KRI1: variants seen among roughly 807,000 people sequenced by gnomAD.
KRI1 encodes the protein protein KRI1 homolog.
In KRI1, 83 loss-of-function variants were observed where a neutral mutation model predicts 97.0. The observed-to-expected ratio is 0.86, with a 90% CI of 0.72 to 1.03. KRI1 has a LOEUF of 1.03. Ranked by LOEUF, KRI1 falls within the 50% of genes least tolerant of loss-of-function variation. KRI1 has a pLI of 0.00. For synonymous variants in KRI1, 371 were observed against 363.5 expected (o/e 1.02, Z -0.23); for missense variants, 916 against 928.4 (o/e 0.99, Z 0.17).
rs1014044804 is a variant in KRI1, at chr19:10,565,097, G to A, written c.169-63C>T. ...GGAGATAATAAGAGCCCTGGCGCCA[G>A]CAGGTGAGCTCAGCGTAGGGATTAG... On this transcript the variant is annotated intron_variant, in intron 2 of 18. Coordinates refer to ENST00000312962, the MANE Select transcript of KRI1 (RefSeq NM_023008.5). The A allele has an allele frequency of 7.3e-6, 8 of 1,092,018 alleles. No individual in the cohort carries two copies. The East Asian group carries it at 9.4e-5, about 13-fold the overall frequency. 67.6% of individuals were successfully genotyped at this position (1,092,018 alleles called of 1,614,324 possible).
rs1385364363 is a variant in KRI1 at position 10,559,340 on chromosome 19, G to A, written c.1194+19C>T. On this transcript the variant is annotated intron_variant, in intron 12 of 18. Coordinates refer to ENST00000312962, the MANE Select transcript of KRI1 (RefSeq NM_023008.5). ...TTGTGTGAACTCAGCGTCATGTTGGGCCGGGATGAGGGCCGCACCTGCATG... is the reference window on the plus strand; with the variant it reads ...TTGTGTGAACTCAGCGTCATGTTGGACCGGGATGAGGGCCGCACCTGCATG... 1 of 1,607,690 alleles carries A rather than the reference G, an allele frequency of 6.2e-7. No homozygotes were observed. The highest frequency in any genetic ancestry group is 1.1e-5 in the South Asian group (1 of 90,752).
rs369291740 is a variant in KRI1, at chr19:10,565,817, C to CCA, written c.95-28_95-27insTG. 5,643 of 1,552,770 alleles carry CCA rather than the reference C, an allele frequency of 3.6e-3. 25 individuals are homozygous for CCA. Among genetic ancestry groups the CCA allele is most frequent in the South Asian group, 7.4e-3 (625 of 84,726 alleles). ...TGCGGGACACAGACGGGATGCCCCC[C>CCA]CCCAGGTCAGCCGGCGGGGCCACTC... is the stretch of plus-strand genomic sequence containing the variant. On this transcript the variant is annotated intron_variant, in intron 1 of 18. Coordinates refer to ENST00000312962, the MANE Select transcript of KRI1 (RefSeq NM_023008.5).
chr19:10,563,179 C>T (rs1736222362), intron 3 of KRI1, among the ~76,000 whole-genome samples: 1 of 151,930 alleles, frequency 6.6e-6, no homozygotes, highest in African/African-American at 2.4e-5. Context: ...TCTCAGCCTC[C>T]CAAGCAGCTG....
Position 10,560,527 on chromosome 19 carries a change from C to T in KRI1, c.664-79G>A, listed in dbSNP as rs1017207943. 49 of 1,048,206 alleles carry T rather than the reference C, an allele frequency of 4.7e-5. 1 individual carries two copies. The highest frequency in any genetic ancestry group is 6.5e-5 in the Non-Finnish European group (46 of 707,702). The allele number at this position is 1,048,206 out of a possible 1,614,324, so 64.9% of individuals were successfully genotyped here. On this transcript the variant is annotated intron_variant, in intron 8 of 18. Coordinates refer to ENST00000312962, the MANE Select transcript of KRI1 (RefSeq NM_023008.5). ...AGGCATGCTCACCACATGGACCTCACAGCCAGCCTCTGGAGTAGGTGACAT... is the reference window on the plus strand; with the variant it reads ...AGGCATGCTCACCACATGGACCTCATAGCCAGCCTCTGGAGTAGGTGACAT...
chr19:10,557,468 G>C, intron 16 of KRI1, 84 bp downstream of exon 16: 3 of 1,422,616 alleles, frequency 2.1e-6, no homozygotes, highest in Non-Finnish European at 2.9e-6. Context: ...CTGAGCAACA[G>C]AGATTGGGAC....
At chr19:10,554,337 G>A (rs1272581903) in intron 18 of KRI1, 56 bp from the exon 19 acceptor site, 1 of 1,433,800 alleles carries the variant, frequency 7.0e-7, no homozygotes. Context: ...GCCCATTCTT[G>A]AGCACGCATG....
intron 17 of KRI1, 42 bp from the exon 18 acceptor site, chr19:10,555,227 C>A (rs771264894): frequency 2.6e-6 from 1 of 386,516 alleles, no homozygotes; most frequent in Non-Finnish European, 3.9e-6. Flanking sequence ...TGGGAAGTGC[C>A]CGAGGCTGCC....
chr19:10,555,220 G>C, intron 17 of KRI1, 35 bp from the exon 18 acceptor site: 1 of 428,626 alleles, frequency 2.3e-6, no homozygotes, highest in Non-Finnish European at 3.4e-6. Flanking sequence ...GGTGCTCTGG[G>C]AAGTGCCCGA....
chr19:10,557,724 C>T (rs1409996599), intron 15 of KRI1, 42 bp from the exon 16 acceptor site: 3 of 1,613,944 alleles, frequency 1.9e-6, no homozygotes, highest in Admixed American at 1.7e-5. Context: ...TGCCAGGCCC[C>T]GCGGTGCCCC....
chr19:10,560,440 G>C lies in KRI1; in HGVS notation c.672C>G (p.Leu224=), dbSNP rs758305232. The C allele has an allele frequency of 2.5e-6, 4 of 1,611,398 alleles. No individual in the cohort carries two copies. Among genetic ancestry groups the C allele is most frequent in the South Asian group, 2.2e-5 (2 of 90,732 alleles). The change falls in exon 9 of 19, where the codon CTC becomes CTG. Residue 224 remains leucine (L), a synonymous_variant. Transcript: ENST00000312962. ...NPDSLKELTH[L]KEYWNDPELD... ...ACTCAGGGTCGTTCCAGTATTCCTTGAGATGCGTCTGGGGGTGACAGGAGA... is the reference window on the plus strand; with the variant it reads ...ACTCAGGGTCGTTCCAGTATTCCTTCAGATGCGTCTGGGGGTGACAGGAGA...
intron 8 of KRI1, 150 bp downstream of exon 8, chr19:10,560,853 G>A (rs113885087): frequency 3.0e-4 from 198 of 658,442 alleles, no homozygotes; most frequent in Middle Eastern, 9.9e-4. Context: ...TGTGAACCAC[G>A]GCACCCAGCC....
intron 13 of KRI1, 49 bp downstream of exon 13, chr19:10,558,115 C>T (rs1455111775): frequency 6.2e-7 from 1 of 1,612,356 alleles, no homozygotes; most frequent in African/African-American, 1.3e-5. Flanking sequence ...GGGCTTCAGT[C>T]CCAGTCCCCA....
At position 10,565,975 on chromosome 19, in the gene KRI1, G is replaced by C. The variant is rs1398672404; in HGVS notation, c.25C>G (p.Gln9Glu). MPEPRGSS[Q>E]LRVNAAFAAR... ...GCAAACGCCGCGTTCACCCGCAGCT[G>C]CGACGACCCGCGCGGTTCCGGCATG... is the stretch of plus-strand genomic sequence containing the variant. Residue 9 changes from glutamine (Q) to glutamate (E), a missense_variant, in exon 1 of 19, where the codon CAG (glutamine) becomes GAG (glutamate). Physicochemically the swap from Gln to Glu is conservative, Grantham distance 29. Around this residue, in one of 3 missense-constraint regions of KRI1, gnomAD observed 173 missense variants for 153.1 expected, o/e 1.13. Transcript: ENST00000312962. The C allele has an allele frequency of 3.9e-6, 6 of 1,524,794 alleles. No individual in the cohort carries two copies. Among genetic ancestry groups the C allele is most frequent in the Non-Finnish European group, 5.3e-6 (6 of 1,140,478 alleles). The allele number at this position is 1,524,794 out of a possible 1,614,324, so 94.5% of individuals were successfully genotyped here. A position where few individuals can be genotyped will look rare whatever the true frequency, so the allele number is the denominator to read the frequency against.
chr19:10,555,374 C>T, intron 16 of KRI1, 25 bp from the exon 17 acceptor site: 3 of 1,613,632 alleles, frequency 1.9e-6, no homozygotes, highest in Non-Finnish European at 2.5e-6. Flanking sequence ...AGAGTGGGGA[C>T]CTGCTGTGAT....
intron 17 of KRI1, 44 bp downstream of exon 17, chr19:10,555,241 C>CCTGCCCGCAGCGCACCTGGCTCCGCT: frequency 6.2e-7 from 1 of 1,613,360 alleles, no homozygotes; most frequent in Non-Finnish European, 8.5e-7. Flanking sequence ...GGCTGCCCGC[C>CCTGCCCGCAGCGCACCTGGCTCCGCT]CTGCCCCCTG....
intron 10 of KRI1, 30 bp downstream of exon 10, chr19:10,559,780 G>A (rs754640104): frequency 2.1e-5 from 34 of 1,613,488 alleles, no homozygotes; most frequent in Admixed American, 1.7e-4. Flanking sequence ...AACCCTGGGG[G>A]CTGAGTCCTC....
chr19:10,564,097 G>A (rs1916781732), intron 3 of KRI1, among the ~76,000 whole-genome samples: 1 of 149,160 alleles, frequency 6.7e-6, no homozygotes, highest in Non-Finnish European at 1.5e-5. Context: ...AGTGAGCCCA[G>A]ATCATGCCAT....
chr19:10,554,952 T>A (rs1020180841), intron 18 of KRI1, 135 bp downstream of exon 18: 2 of 662,442 alleles, frequency 3.0e-6, no homozygotes, highest in Middle Eastern at 4.0e-4. Flanking sequence ...GGTGCCCATA[T>A]AGGATTCGAA....
At chr19:10,556,652 G>A (rs1465595010) in intron 16 of KRI1, among the ~76,000 whole-genome samples, 1 of 151,686 alleles carries the variant, frequency 6.6e-6, no homozygotes, top group African/African-American at 2.4e-5. Flanking sequence ...GGGTGACAGA[G>A]CAAGACACTG....
Sources: gnomAD v4.1 joint callset for allele counts (sites outside exome capture counted in the v4.1 genomes callset) on GRCh38, gnomAD v4.1.1 for gene constraint, gnomAD v4.1.1 regional missense constraint, MANE v1.5 for transcripts, NCBI Gene and HGNC (gene_info 2026-07-23, HGNC 2026-07-21) for gene names.